Variants in NPC1 observed in about 807,000 individuals in gnomAD.
NPC1 encodes NPC intracellular cholesterol transporter 1, also known as Niemann-Pick C1 protein.
NPC1 carries 85 observed loss-of-function variants against 140.4 expected under a neutral mutation model. The observed-to-expected ratio is 0.61, with a 90% CI of 0.51 to 0.72. The LOEUF is 0.72. Among genes scored for constraint, NPC1 ranks in the 30% least tolerant of loss-of-function variants. The pLI, the probability that NPC1 is intolerant of heterozygous loss-of-function variation, is 0.00. For synonymous variants in NPC1, 656 were observed against 624.8 expected, an observed-to-expected ratio of 1.05 and a Z score of -0.74; for missense variants, 1,504 against 1,623.8, an observed-to-expected ratio of 0.93 and a Z score of 1.27.
At chr18:23,578,140 G>C (rs1232153709) in intron 1 of NPC1, among the ~76,000 whole-genome samples, 1 of 152,250 alleles carries the variant, frequency 6.6e-6, no homozygotes, top group Non-Finnish European at 1.5e-5. Flanking sequence ...CCAGGCAGGG[G>C]AGGTGCCGAG....
At chr18:23,576,453 C>A (rs1163285543) in intron 1 of NPC1, 29 of 985,874 alleles carry the variant, frequency 2.9e-5, no homozygotes, top group Non-Finnish European at 3.4e-5. Context: ...AAAGAAGCAA[C>A]CTAAGCCAGC....
chr18:23,551,596 A>C, intron 10 of NPC1, 31 bp downstream of exon 10: 1 of 1,499,426 alleles, frequency 6.7e-7, no homozygotes, highest in Non-Finnish European at 9.3e-7. Flanking sequence ...GACTTTATCT[A>C]AAAGGAAAAG....
chr18:23,530,711 T>TA, downstream of NPC1: 5 of 1,137,430 alleles, frequency 4.4e-6, no homozygotes, highest in Non-Finnish European at 6.2e-6. Flanking sequence ...AGCATTTTTG[T>TA]AAACAACACA....
chr18:23,556,798 T>C, intron 7 of NPC1, 185 bp from the exon 8 acceptor site: 1 of 886,782 alleles, frequency 1.1e-6, no homozygotes, highest in South Asian at 1.5e-5. Context: ...CTGCCCTCAA[T>C]GAGCGCTATT....
chr18:23,519,249 G>A (rs2058085542), downstream of NPC1: 9 of 1,319,416 alleles, frequency 6.8e-6, no homozygotes, highest in Admixed American at 1.4e-4. Context: ...TGGGCACGGT[G>A]GATCACGCCT....
At chr18:23,526,606 A>C, downstream of NPC1, 2 of 1,610,732 alleles carry the variant, frequency 1.2e-6, no homozygotes, top group Non-Finnish European at 1.7e-6. Flanking sequence ...TTTGCATCAT[A>C]CTGTTTTATT....
intron 16 of NPC1, among the ~76,000 whole-genome samples, chr18:23,540,796 CATT>C (rs886369234): frequency 4.9e-4 from 74 of 152,288 alleles, no homozygotes; most frequent in African/African-American, 1.8e-3. Flanking sequence ...TCTATTTCCT[CATT>C]ATTAAGAGGA....
chr18:23,527,839 G>A, downstream of NPC1: 1 of 1,614,084 alleles, frequency 6.2e-7, no homozygotes, highest in African/African-American at 1.3e-5. Context: ...GATAGCCACT[G>A]TTTTTGATAA....
chr18:23,550,967 T>C (rs1445354130), intron 10 of NPC1, among the ~76,000 whole-genome samples: 1 of 152,220 alleles, frequency 6.6e-6, no homozygotes, highest in Non-Finnish European at 1.5e-5. Flanking sequence ...AGATTGCAAC[T>C]TCTCCCCTGC....
At chr18:23,543,344 A>G (rs2058737945) in intron 14 of NPC1, 111 bp downstream of exon 14, 9 of 702,834 alleles carry the variant, frequency 1.3e-5, no homozygotes, top group Non-Finnish European at 2.0e-5. Context: ...AAAAAAAAAA[A>G]AAGAAAAAAA....
chr18:23,580,666 G>A (rs146254911), intron 1 of NPC1, among the ~76,000 whole-genome samples: 8 of 152,332 alleles, frequency 5.3e-5, no homozygotes, highest in African/African-American at 1.9e-4. Context: ...AAGCTCCAGT[G>A]AGGCGATGGA....
chr18:23,529,593 C>A, downstream of NPC1: 2 of 1,532,808 alleles, frequency 1.3e-6, no homozygotes, highest in Non-Finnish European at 1.8e-6. Flanking sequence ...GCCTCTTTTG[C>A]ACCTCGTTGG....
rs779143997 is a variant in NPC1, at chr18:23,556,638, A to G, written c.956-25T>C. 30 of 1,613,142 alleles carry G rather than the reference A, an allele frequency of 1.9e-5. No individual in the cohort carries two copies. Among genetic ancestry groups the G allele is most frequent in the Admixed American group, 8.4e-5 (5 of 59,832 alleles). ...CCTGGAAGAACGGGAGAGGAAGGGA[A>G]GGTGGAGGTTAAGAGCCAAGCCGTT... On this transcript the variant is annotated intron_variant, in intron 7 of 24. Coordinates refer to ENST00000269228, the MANE Select transcript of NPC1 (RefSeq NM_000271.5).
At chr18:23,540,585 CT>C in intron 16 of NPC1, 48 bp from the exon 17 acceptor site, 2 of 1,304,248 alleles carry the variant, frequency 1.5e-6, no homozygotes, top group Non-Finnish European at 2.2e-6. Flanking sequence ...AGTAAATAAG[CT>C]TACGACCAGA....
At chr18:23,541,994 A>G (rs2058719032) in intron 14 of NPC1, among the ~76,000 whole-genome samples, 1 of 152,230 alleles carries the variant, frequency 6.6e-6, no homozygotes, top group Admixed American at 6.5e-5. Context: ...CCAATATTTA[A>G]CAATGGCATT....
chr18:23,550,092 GC>G (rs1191908957), intron 10 of NPC1, among the ~76,000 whole-genome samples: 1 of 149,420 alleles, frequency 6.7e-6, no homozygotes, highest in Non-Finnish European at 1.5e-5. Context: ...GCTTACTGCA[GC>G]CTCAACCTCC....
intron 1 of NPC1, among the ~76,000 whole-genome samples, chr18:23,585,316 G>C (rs2059404664): frequency 6.6e-6 from 1 of 152,164 alleles, no homozygotes; most frequent in Non-Finnish European, 1.5e-5. Flanking sequence ...GAGCTCAAGA[G>C]ATCCTCCCGC....
At chr18:23,536,948 G>GCTAAGCAAAATCACCTGACC in intron 20 of NPC1, 72 bp from the exon 21 acceptor site, 1 of 1,294,010 alleles carries the variant, frequency 7.7e-7, no homozygotes. Context: ...AGCACTTGAG[G>GCTAAGCAAAATCACCTGACC]CTAAGCAAAA....
chr18:23,543,589 A>C lies in NPC1; in HGVS notation c.2131-20T>G, dbSNP rs915506749. The C allele has an allele frequency of 8.1e-7, 1 of 1,240,968 alleles. No homozygotes were observed. Among genetic ancestry groups the C allele is most frequent in the Non-Finnish European group, 1.2e-6 (1 of 862,412 alleles). 76.9% of individuals were successfully genotyped at this position (1,240,968 alleles called of 1,614,324 possible). A position where few individuals can be genotyped will look rare whatever the true frequency, so the allele number is the denominator to read the frequency against. On this transcript the variant is annotated intron_variant, in intron 13 of 24. Transcript: ENST00000269228. ...ATCTCTCTTAAAAAAAAAAAAAAAA[A>C]ATTATGCGACATTAAAATTTCTCAA...
Sources: gnomAD v4.1 joint callset for allele counts (sites outside exome capture counted in the v4.1 genomes callset) on GRCh38, gnomAD v4.1.1 for gene constraint, MANE v1.5 for transcripts, NCBI Gene and HGNC (gene_info 2026-07-23, HGNC 2026-07-21) for gene names.